Variants in NCALD observed in about 807,000 individuals in gnomAD.
NCALD encodes neurocalcin delta.
A neutral mutation model predicts 18.6 loss-of-function variants in NCALD; 10 were observed. The observed-to-expected ratio is 0.54, with a 90% confidence interval of 0.33 to 0.91. NCALD has a LOEUF of 0.91. Among genes scored for constraint, NCALD ranks in the 40% least tolerant of loss-of-function variants. The pLI is 0.03. For missense variants in NCALD, 184 were observed against 247.6 expected, an observed-to-expected ratio of 0.74 and a Z score of 1.72; for synonymous variants, 88 against 87.4, an observed-to-expected ratio of 1.01 and a Z score of -0.04.
rs1301453253 is a variant in NCALD at position 101,689,168 on chromosome 8, G to A, written c.*141C>T. Reference sequence around the variant, plus strand: ...ATCCACGACAAAAGAAGCTGAAGGCGTCACGGAGGAAGGCGCATCAGACCG... The same window carrying A: ...ATCCACGACAAAAGAAGCTGAAGGCATCACGGAGGAAGGCGCATCAGACCG... On this transcript the variant is annotated 3_prime_UTR_variant, in exon 4 of 4. Transcript: ENST00000220931. This position sits in a 1 kb window ranked among gnomAD's most constrained non-coding sequence, Gnocchi z 4.4. 3 of 779,524 alleles carry A rather than the reference G, an allele frequency of 3.8e-6. No homozygotes were observed. The highest frequency in any genetic ancestry group is 1.4e-5 in the South Asian group (1 of 68,994). 48.3% of individuals were successfully genotyped at this position (779,524 alleles called of 1,614,324 possible).
At chr8:101,893,198 G>T (rs924052911) in intron 3 of NCALD, among the ~76,000 whole-genome samples, 1 of 151,774 alleles carries the variant, frequency 6.6e-6, no homozygotes, top group African/African-American at 2.4e-5. Context: ...AAGAGAGTGG[G>T]GGCCAATATT....
intron 2 of NCALD, among the ~76,000 whole-genome samples, chr8:101,940,146 C>G (rs75165398): frequency 0.021 from 3,178 of 152,212 alleles, 112 homozygotes; most frequent in African/African-American, 0.066. Flanking sequence ...CATTTGCAAT[C>G]TTGAGAAGAG....
At chr8:101,934,690 A>G (rs769407926) in intron 2 of NCALD, among the ~76,000 whole-genome samples, 3 of 152,150 alleles carry the variant, frequency 2.0e-5, no homozygotes, top group South Asian at 2.1e-4. Flanking sequence ...AAAAAAACAG[A>G]TTGCAAAAAA....
intron 1 of NCALD, among the ~76,000 whole-genome samples, chr8:102,053,046 C>T (rs918488182): frequency 6.6e-6 from 1 of 152,174 alleles, no homozygotes. Context: ...ATTTCATAGT[C>T]ACATATAAAC....
chr8:101,726,347 C>T (rs1316641692), intron 1 of NCALD, among the ~76,000 whole-genome samples: 1 of 152,070 alleles, frequency 6.6e-6, no homozygotes, highest in African/African-American at 2.4e-5. Context: ...CCAGGAAGAC[C>T]AGGTATGATG....
At chr8:102,073,080 T>C (rs2132301562) in intron 1 of NCALD, among the ~76,000 whole-genome samples, 1 of 152,312 alleles carries the variant, frequency 6.6e-6, no homozygotes, top group Middle Eastern at 3.4e-3. Flanking sequence ...ATAAAAGATA[T>C]TAAAATAACC....
In NCALD at chr8:101,784,150, G is replaced by T. The variant is rs565718225; in HGVS notation, c.-20+6712C>A. Among the ~76,000 whole-genome samples, 17 of 152,234 alleles carry T rather than the reference G, an allele frequency of 1.1e-4. 1 individual carries two copies. The South Asian group carries it at 3.3e-3, about 30-fold the overall frequency. On this transcript the variant is annotated intron_variant, in intron 1 of 3. Transcript: ENST00000220931. ...ATTCCCTGGCATCAGGAGGGGGAAG[G>T]AAGACCTGATGACCGGGCCTGGAGT...
chr8:101,998,470 C>T (rs1385108663), intron 2 of NCALD, among the ~76,000 whole-genome samples: 1 of 152,126 alleles, frequency 6.6e-6, no homozygotes, highest in Non-Finnish European at 1.5e-5. Context: ...TGAAGGGTAG[C>T]ACCAGCCAAA....
rs1814596438 is a variant in NCALD, at chr8:101,840,412, C to T, written c.-20+46729G>A. 2.6e-5 allele frequency among the ~76,000 whole-genome samples: 4 copies of T among 152,040 alleles called. No individual in the cohort carries two copies. The South Asian group carries it at 8.3e-4, about 32-fold the overall frequency. ...CTTGGTAGGTCTTGTAATATATAGC[C>T]TGAAAAACAGAAAATGCTTTGCAGT... is the stretch of plus-strand genomic sequence containing the variant. On this transcript the variant is annotated intron_variant, in intron 4 of 6. Coordinates refer to the NCALD transcript ENST00000311028.
At chr8:102,034,316 G>T (rs978377528) in intron 1 of NCALD, among the ~76,000 whole-genome samples, 7 of 152,162 alleles carry the variant, frequency 4.6e-5, no homozygotes, top group African/African-American at 1.7e-4. Flanking sequence ...CCAACTAATG[G>T]CACTTCTTAT....
At chr8:101,895,238 T>C (rs1366571206) in intron 3 of NCALD, among the ~76,000 whole-genome samples, 11 of 143,952 alleles carry the variant, frequency 7.6e-5, no homozygotes, top group Admixed American at 6.8e-4. Context: ...TAATCCAGCA[T>C]ATAAACAGAG....
chr8:101,966,155 AAATAG>A (rs1820020437), intron 2 of NCALD, among the ~76,000 whole-genome samples: 1 of 152,122 alleles, frequency 6.6e-6, no homozygotes, highest in African/African-American at 2.4e-5. Context: ...CAGTAAAATA[AAATAG>A]TTTAACTCAA....
At position 101,689,739 on chromosome 8, in the gene NCALD, C is replaced by A. The variant is rs1047381658; in HGVS notation, c.485-333G>T. On this transcript the variant is annotated intron_variant, in intron 3 of 3. Transcript: ENST00000220931. The surrounding 1 kb of genome is among the most constrained non-coding windows in gnomAD (Gnocchi z 4.4). ...TGGTCCCTGACCTCCTGGCTCCAGGCGCCCTGGAGAGGCTCACTCAGCATT... is the reference window on the plus strand; with the variant it reads ...TGGTCCCTGACCTCCTGGCTCCAGGAGCCCTGGAGAGGCTCACTCAGCATT... Among the ~76,000 whole-genome samples, 1 of 152,190 alleles carries A rather than the reference C, an allele frequency of 6.6e-6. No homozygotes were observed. The highest frequency in any genetic ancestry group is 2.4e-5 in the African/African-American group (1 of 41,458).
intron 3 of NCALD, among the ~76,000 whole-genome samples, chr8:101,903,229 A>C (rs1817499096): frequency 6.9e-6 from 1 of 145,026 alleles, no homozygotes; most frequent in Non-Finnish European, 1.5e-5. Context: ...ATGGAGTCTC[A>C]CTCTATCACC....
chr8:101,935,875 C>A (rs1428637972), intron 2 of NCALD, among the ~76,000 whole-genome samples: 1 of 145,530 alleles, frequency 6.9e-6, no homozygotes, highest in Non-Finnish European at 1.5e-5. Context: ...ATCAATGAAG[C>A]AGTGGTGATT....
rs1199529844 is a variant in NCALD at position 101,766,363 on chromosome 8, CAT to C, written c.-20+24497_-20+24498del. Among the ~76,000 whole-genome samples, 10 of 54,142 alleles carry C rather than the reference CAT, an allele frequency of 1.8e-4. 1 individual carries two copies. The highest frequency in any genetic ancestry group is 3.7e-4 in the Non-Finnish European group (10 of 26,794). The allele number at this position is 54,142 out of a possible 152,430, so 35.5% of individuals were successfully genotyped here. A position where few individuals can be genotyped will look rare whatever the true frequency, so the allele number is the denominator to read the frequency against. Reference sequence around the variant, plus strand: ...AAAACAAATTCGCCAGACAGAAAAACATAAAAAATACATGAAAAATGTCTTGA... The same window carrying C: ...AAAACAAATTCGCCAGACAGAAAAACAAAAAATACATGAAAAATGTCTTGA... On this transcript the variant is annotated intron_variant, in intron 1 of 3. Coordinates refer to ENST00000220931, the MANE Select transcript of NCALD (RefSeq NM_032041.3).
chr8:101,717,241 A>G (rs941572544), intron 2 of NCALD, among the ~76,000 whole-genome samples: 2 of 152,204 alleles, frequency 1.3e-5, no homozygotes, highest in African/African-American at 4.8e-5. Flanking sequence ...TACAAACAAT[A>G]TTCTGTGGAT....
chr8:101,880,568 C>T (rs1014177123), intron 4 of NCALD, among the ~76,000 whole-genome samples: 2 of 152,220 alleles, frequency 1.3e-5, no homozygotes, highest in Non-Finnish European at 2.9e-5. Context: ...GCTGTCACCT[C>T]TCACTGGTAG....
At chr8:101,834,372 G>A (rs774802112) in intron 4 of NCALD, among the ~76,000 whole-genome samples, 1 of 152,264 alleles carries the variant, frequency 6.6e-6, no homozygotes, top group Non-Finnish European at 1.5e-5. Flanking sequence ...TGCGAGCCAG[G>A]CTTCACGTGA....
Sources: gnomAD v4.1 joint callset for allele counts (sites outside exome capture counted in the v4.1 genomes callset) on GRCh38, gnomAD v4.1.1 for gene constraint, Gnocchi (gnomAD v3.1) non-coding constraint, MANE v1.5 for transcripts, NCBI Gene and HGNC (gene_info 2026-07-23, HGNC 2026-07-21) for gene names.